The following CDC5L variants were observed in gnomAD, a reference collection of about 807,000 sequenced individuals.
CDC5L encodes the protein cell division cycle 5 like, also known as cell division cycle 5-like protein.
In CDC5L, 18 loss-of-function variants were observed where a neutral mutation model predicts 104.1. The observed-to-expected ratio is 0.17, with a 90% CI of 0.12 to 0.26. The LOEUF (loss-of-function observed/expected upper bound fraction) is 0.26, where lower values mean the gene tolerates loss of function less well. CDC5L is among the 10% of genes least tolerant of loss of function. CDC5L has a pLI of 1.00. For missense variants in CDC5L, 673 were observed against 956.9 expected (o/e 0.70, Z 3.91); for synonymous variants, 331 against 322.7 (o/e 1.03, Z -0.28).
At chr6:44,439,934 C>A (rs1015276943) in intron 14 of CDC5L, among the ~76,000 whole-genome samples, 1 of 152,196 alleles carries the variant, frequency 6.6e-6, no homozygotes, top group East Asian at 1.9e-4. Context: ...ACTCTTACCC[C>A]GCTGTACTGT....
chr6:44,388,351 G>T (rs1790446180), intron 1 of CDC5L, among the ~76,000 whole-genome samples: 1 of 152,064 alleles, frequency 6.6e-6, no homozygotes, highest in African/African-American at 2.4e-5. Flanking sequence ...GGTTCAGAGA[G>T]CCCGTTTATG....
intron 14 of CDC5L, among the ~76,000 whole-genome samples, chr6:44,444,075 C>A (rs1028522216): frequency 2.6e-5 from 4 of 152,070 alleles, no homozygotes; most frequent in African/African-American, 9.7e-5. Context: ...TCCATTAGTA[C>A]CCTGTGATCA....
intron 2 of CDC5L, among the ~76,000 whole-genome samples, chr6:44,391,342 G>A (rs996161419): frequency 5.3e-5 from 8 of 151,846 alleles, no homozygotes; most frequent in Admixed American, 1.3e-4. Flanking sequence ...TTTGCCTCCC[G>A]GGTTCACGCC....
chr6:44,403,234 TTTAA>T (rs1367209765), intron 5 of CDC5L, among the ~76,000 whole-genome samples: 1 of 152,208 alleles, frequency 6.6e-6, no homozygotes, highest in Non-Finnish European at 1.5e-5. Flanking sequence ...TTTGTGATTC[TTTAA>T]TTGTTAAATA....
At chr6:44,410,483 A>G (rs560566429) in intron 8 of CDC5L, among the ~76,000 whole-genome samples, 29 of 152,162 alleles carry the variant, frequency 1.9e-4, no homozygotes, top group Non-Finnish European at 3.4e-4. Flanking sequence ...GGTTGTTTCC[A>G]GAGGTAGAAT....
At chr6:44,430,219 C>CA (rs1792615262) in intron 14 of CDC5L, among the ~76,000 whole-genome samples, 1 of 151,854 alleles carries the variant, frequency 6.6e-6, no homozygotes, top group African/African-American at 2.4e-5. Flanking sequence ...CAATACTAGT[C>CA]ACTCAGAACA....
At chr6:44,434,521 A>T (rs943082852) in intron 14 of CDC5L, among the ~76,000 whole-genome samples, 1 of 152,164 alleles carries the variant, frequency 6.6e-6, no homozygotes, top group African/African-American at 2.4e-5. Flanking sequence ...CTTGACTATT[A>T]TATGGGATCA....
At position 44,405,938 on chromosome 6, in the gene CDC5L, A is replaced by G. The variant is rs140311688; in HGVS notation, c.759-385A>G. 9.4e-5 allele frequency among the ~76,000 whole-genome samples: 14 copies of G among 148,830 alleles called. 1 individual carries two copies. The highest frequency in any genetic ancestry group is 2.7e-4 in the African/African-American group (11 of 40,360). On this transcript the variant is annotated intron_variant, in intron 6 of 15. Coordinates refer to ENST00000371477, the MANE Select transcript of CDC5L (RefSeq NM_001253.4). Reference sequence around the variant, plus strand: ...TTTTTTTGAGATGGAGTCTTTCTCTATTGCCCAGGCTGGAGTATAGTGGTG... The same window carrying G: ...TTTTTTTGAGATGGAGTCTTTCTCTGTTGCCCAGGCTGGAGTATAGTGGTG...
At chr6:44,398,805 TTTCTC>T (rs769190080) in intron 5 of CDC5L, among the ~76,000 whole-genome samples, 1 of 152,224 alleles carries the variant, frequency 6.6e-6, no homozygotes, top group Non-Finnish European at 1.5e-5. Flanking sequence ...TTTCTAAACT[TTTCTC>T]TCTCTCAACA....
chr6:44,407,059 G>C (rs902463806), intron 7 of CDC5L, among the ~76,000 whole-genome samples: 1 of 152,204 alleles, frequency 6.6e-6, no homozygotes, highest in African/African-American at 2.4e-5. Flanking sequence ...GTAATTATCA[G>C]CTCTTAACAT....
Position 44,447,966 on chromosome 6 carries a change from A to T in CDC5L, c.*1255A>T, listed in dbSNP as rs11572057. ...GAAATTAAAGTAGGGTGATTATGAGATAGTGAATGAGTGGCTATTTTAGAC... is the reference window on the plus strand; with the variant it reads ...GAAATTAAAGTAGGGTGATTATGAGTTAGTGAATGAGTGGCTATTTTAGAC... On this transcript the variant is annotated 3_prime_UTR_variant, in exon 16 of 16. Transcript: ENST00000371477. 3.1e-3 allele frequency: 475 copies of T among 152,274 alleles called. 3 individuals are homozygous for T. The highest frequency in any genetic ancestry group is 0.011 in the African/African-American group (456 of 41,536). The allele number at this position is 152,274 out of a possible 1,614,324, so 9.4% of individuals were successfully genotyped here.
intron 14 of CDC5L, among the ~76,000 whole-genome samples, chr6:44,442,682 A>G (rs1437686403): frequency 6.6e-6 from 1 of 152,098 alleles, no homozygotes; most frequent in Non-Finnish European, 1.5e-5. Context: ...AGTTGTTAAT[A>G]GTTTTGCCTT....
intron 8 of CDC5L, among the ~76,000 whole-genome samples, chr6:44,409,659 G>C (rs989293464): frequency 1.3e-5 from 2 of 152,168 alleles, no homozygotes; most frequent in Non-Finnish European, 2.9e-5. Flanking sequence ...GGCTGTGTCT[G>C]TTTTCTCTAA....
intron 14 of CDC5L, among the ~76,000 whole-genome samples, chr6:44,444,674 G>T (rs1421713014): frequency 6.6e-6 from 1 of 152,158 alleles, no homozygotes; most frequent in Non-Finnish European, 1.5e-5. Flanking sequence ...ACTGCTCCCA[G>T]GGAGTGTAGC....
chr6:44,402,621 T>C (rs1791183328), intron 5 of CDC5L, among the ~76,000 whole-genome samples: 1 of 152,182 alleles, frequency 6.6e-6, no homozygotes, highest in African/African-American at 2.4e-5. Flanking sequence ...TATAGCAACA[T>C]AGGAAGATGC....
chr6:44,420,378 G>A (rs1220331920), intron 9 of CDC5L, among the ~76,000 whole-genome samples: 1 of 145,944 alleles, frequency 6.9e-6, no homozygotes, highest in African/African-American at 2.5e-5. Context: ...TTTTTTTTGA[G>A]ACGGACTTTT....
chr6:44,429,454 C>T (rs1016197526), intron 13 of CDC5L, among the ~76,000 whole-genome samples: 3 of 152,132 alleles, frequency 2.0e-5, no homozygotes, highest in South Asian at 2.1e-4. Context: ...ATGATAGCTG[C>T]TGTTATAGTG....
intron 9 of CDC5L, among the ~76,000 whole-genome samples, 160 bp downstream of exon 9, chr6:44,419,757 T>C (rs1366179945): frequency 6.6e-6 from 1 of 152,216 alleles, no homozygotes; most frequent in Non-Finnish European, 1.5e-5. Flanking sequence ...AGGAAATGGT[T>C]AAATACTGTG....
chr6:44,435,882 A>G (rs1792912331), intron 14 of CDC5L, among the ~76,000 whole-genome samples: 1 of 151,906 alleles, frequency 6.6e-6, no homozygotes, highest in African/African-American at 2.4e-5. Flanking sequence ...CCAGGGTTCA[A>G]GCAATTCTCT....
Sources: allele counts gnomAD v4.1 joint callset (sites outside exome capture counted in the v4.1 genomes callset), GRCh38; gene constraint gnomAD v4.1.1; transcripts MANE v1.5; gene names NCBI Gene and HGNC (gene_info 2026-07-23, HGNC 2026-07-21).